The following NEGR1 variants were observed in gnomAD, a reference collection of about 807,000 sequenced individuals.
NEGR1 encodes the protein neuronal growth regulator 1.
NEGR1 carries 10 observed loss-of-function variants against 40.9 expected under a neutral mutation model. The ratio of observed to expected loss-of-function variants is 0.24; its 90% CI spans 0.15 to 0.42. The LOEUF is 0.42. Ranked by LOEUF, NEGR1 falls within the 10% of genes least tolerant of loss-of-function variation. The pLI is 1.00. For synonymous variants in NEGR1, 185 were observed against 166.8 expected (o/e 1.11, Z -0.84); for missense variants, 352 against 438.9 (o/e 0.80, Z 1.77).
At chr1:71,468,559 A>G (rs572757203) in intron 6 of NEGR1, 1 of 152,116 alleles carries the variant, frequency 6.6e-6, no homozygotes, top group South Asian at 2.1e-4. Flanking sequence ...GGGCACAACT[A>G]AAATAGAAGG....
chr1:71,717,872 C>T (rs577926144), intron 3 of NEGR1, among the ~76,000 whole-genome samples: 5 of 152,232 alleles, frequency 3.3e-5, no homozygotes, highest in South Asian at 4.1e-4. Flanking sequence ...AAAGACAATG[C>T]GAACACACTG....
intron 6 of NEGR1, among the ~76,000 whole-genome samples, chr1:71,515,848 C>A (rs1398575543): frequency 7.3e-5 from 6 of 81,948 alleles, no homozygotes; most frequent in East Asian, 3.6e-4. Flanking sequence ...TGCAGAGACA[C>A]ACATAGGCTC....
At chr1:71,600,291 C>T (rs1649872750) in intron 5 of NEGR1, among the ~76,000 whole-genome samples, 1 of 152,134 alleles carries the variant, frequency 6.6e-6, no homozygotes, top group South Asian at 2.1e-4. Flanking sequence ...GCGTTGGGGA[C>T]ATGATAGTGA....
chr1:71,617,643 G>A (rs1650488310), intron 4 of NEGR1, among the ~76,000 whole-genome samples: 2 of 152,152 alleles, frequency 1.3e-5, no homozygotes, highest in South Asian at 4.1e-4. Context: ...TCTACACACC[G>A]TGTCATCCAT....
At chr1:71,470,179 G>T (rs1569911815) in intron 6 of NEGR1, among the ~76,000 whole-genome samples, 1 of 152,178 alleles carries the variant, frequency 6.6e-6, no homozygotes, top group Middle Eastern at 3.4e-3. Flanking sequence ...GAATGCATCA[G>T]CATCACCTGG....
At position 72,078,932 on chromosome 1, in the gene NEGR1, G is replaced by A. The variant is rs914102484; in HGVS notation, c.177-143621C>T. Among the ~76,000 whole-genome samples the A allele has an allele frequency of 3.3e-5, 5 of 151,124 alleles. No individual in the cohort carries two copies. In the East Asian group the frequency reaches 7.8e-4, roughly 24 times the overall value. ...TGGGATTACAGGCATGAGCCACTGC[G>A]CCCAGCCTATTTATTGATATTTTAA... is the stretch of plus-strand genomic sequence containing the variant. On this transcript the variant is annotated intron_variant, in intron 1 of 6. Coordinates refer to ENST00000357731, the MANE Select transcript of NEGR1 (RefSeq NM_173808.3).
chr1:72,040,946 T>G (rs1208894343), intron 1 of NEGR1, among the ~76,000 whole-genome samples: 1 of 151,932 alleles, frequency 6.6e-6, no homozygotes, highest in African/African-American at 2.4e-5. Context: ...ACTCTATCCC[T>G]CTCCAGACAT....
chr1:71,871,819 A>T (rs1327009196), intron 2 of NEGR1, among the ~76,000 whole-genome samples: 1 of 152,148 alleles, frequency 6.6e-6, no homozygotes, highest in Non-Finnish European at 1.5e-5. Flanking sequence ...CCTTTTTTCT[A>T]TCAGAGCTCA....
chr1:71,669,866 G>A (rs963346768), intron 4 of NEGR1, among the ~76,000 whole-genome samples: 6 of 152,110 alleles, frequency 3.9e-5, no homozygotes, highest in African/African-American at 1.4e-4. Flanking sequence ...TGGCCAGGAT[G>A]GTCTCGATCT....
chr1:71,987,623 G>A (rs1331796607), intron 1 of NEGR1, among the ~76,000 whole-genome samples: 1 of 152,122 alleles, frequency 6.6e-6, no homozygotes, highest in Non-Finnish European at 1.5e-5. Context: ...AGAGCATATT[G>A]GAGAAGATAT....
At chr1:72,062,735 G>T (rs1469869489) in intron 1 of NEGR1, among the ~76,000 whole-genome samples, 1 of 151,932 alleles carries the variant, frequency 6.6e-6, no homozygotes, top group Admixed American at 6.6e-5. Flanking sequence ...TCCAGCATCT[G>T]GGGCAGGAGC....
chr1:71,582,557 A>G (rs987386107), intron 6 of NEGR1, among the ~76,000 whole-genome samples: 3 of 152,114 alleles, frequency 2.0e-5, no homozygotes, highest in African/African-American at 4.8e-5. Flanking sequence ...TAGTACACAT[A>G]TGGAAGGAGC....
intron 1 of NEGR1, among the ~76,000 whole-genome samples, chr1:72,067,608 A>C (rs183376502): frequency 6.6e-6 from 1 of 152,238 alleles, no homozygotes; most frequent in Non-Finnish European, 1.5e-5. Flanking sequence ...TAACTTTCCT[A>C]ATCTGTGCTC....
intron 6 of NEGR1, among the ~76,000 whole-genome samples, chr1:71,573,848 C>A (rs1269878157): frequency 6.6e-6 from 1 of 152,170 alleles, no homozygotes; most frequent in East Asian, 1.9e-4. Context: ...CTTTTAAGGA[C>A]CCAACCAGAA....
At chr1:71,797,716 AG>A in intron 2 of NEGR1, among the ~76,000 whole-genome samples, 1 of 152,146 alleles carries the variant, frequency 6.6e-6, no homozygotes, top group Non-Finnish European at 1.5e-5. Flanking sequence ...TTTAAGTTTC[AG>A]AATGGCTCTG....
intron 6 of NEGR1, among the ~76,000 whole-genome samples, chr1:71,455,016 G>A (rs180742420): frequency 2.0e-5 from 3 of 152,236 alleles, no homozygotes; most frequent in Non-Finnish European, 4.4e-5. Context: ...GGGCACAGAT[G>A]TAAGTGAGCA....
chr1:71,979,670 C>T (rs1336165618), intron 1 of NEGR1, among the ~76,000 whole-genome samples: 1 of 152,002 alleles, frequency 6.6e-6, no homozygotes, highest in African/African-American at 2.4e-5. Flanking sequence ...TGATGGGAAA[C>T]TAATGGATGA....
At chr1:71,887,409 T>G (rs1382819076) in intron 2 of NEGR1, among the ~76,000 whole-genome samples, 1 of 152,198 alleles carries the variant, frequency 6.6e-6, no homozygotes, top group Non-Finnish European at 1.5e-5. Flanking sequence ...ATATTTTTAT[T>G]TTCTTTCTTA....
intron 2 of NEGR1, among the ~76,000 whole-genome samples, chr1:71,835,770 T>G (rs74089012): frequency 0.027 from 4,041 of 152,186 alleles, 188 homozygotes; most frequent in African/African-American, 0.093. Context: ...GAATTATGAC[T>G]CTATCAATTT....
Sources: gnomAD v4.1 joint callset for allele counts (sites outside exome capture counted in the v4.1 genomes callset) on GRCh38, gnomAD v4.1.1 for gene constraint, MANE v1.5 for transcripts, NCBI Gene and HGNC (gene_info 2026-07-23, HGNC 2026-07-21) for gene names.